Variants in ROBO2 observed in about 807,000 individuals in gnomAD.
ROBO2 encodes roundabout homolog 2.
ROBO2 carries 53 observed loss-of-function variants against 160.8 expected under a neutral mutation model. The observed-to-expected ratio is 0.33, with a 90% CI of 0.26 to 0.41. The LOEUF is 0.41. Among genes scored for constraint, ROBO2 ranks in the 10% least tolerant of loss-of-function variants. ROBO2 has a pLI of 1.00. For missense variants in ROBO2, 1,577 were observed against 1,722.4 expected (o/e 0.92, Z 1.49); for synonymous variants, 664 against 611.7 (o/e 1.09, Z -1.26).
Position 76,839,776 on chromosome 3 carries a change from G to A in ROBO2, c.110-258238G>A, listed in dbSNP as rs909920814. ...TTCTTTAAACATTTGGTAGAATTTA[G>A]CAGTGGAGCCAATGGGTCTTGTGCT... On this transcript the variant is annotated intron_variant, in intron 2 of 26. Coordinates refer to the ROBO2 transcript ENST00000487694. 3.9e-5 allele frequency among the ~76,000 whole-genome samples: 6 copies of A among 152,308 alleles called. No individual in the cohort carries two copies. In the East Asian group the frequency reaches 1.2e-3, roughly 29 times the overall value.
At chr3:76,143,957 CT>C (rs912763344) in intron 2 of ROBO2, among the ~76,000 whole-genome samples, 12 of 148,534 alleles carry the variant, frequency 8.1e-5, no homozygotes, top group South Asian at 2.1e-4. Flanking sequence ...CTTATTCTGC[CT>C]TTTTTTTTTC....
chr3:76,421,383 A>C lies in ROBO2; in HGVS notation c.109+483781A>C, dbSNP rs537566241. On this transcript the variant is annotated intron_variant, in intron 2 of 26. Transcript: ENST00000487694. ...GTTAATTATTTTTAAAATAAGATTCAAACATTTTTTCCAACAATAATATTT... is the reference window on the plus strand; with the variant it reads ...GTTAATTATTTTTAAAATAAGATTCCAACATTTTTTCCAACAATAATATTT... Among the ~76,000 whole-genome samples the C allele has an allele frequency of 4.8e-4, 73 of 152,322 alleles. 1 individual carries two copies. The highest frequency in any genetic ancestry group is 1.0e-3 in the South Asian group (5 of 4,830).
At chr3:77,536,241 G>A (rs2092091267) in intron 6 of ROBO2, among the ~76,000 whole-genome samples, 1 of 152,124 alleles carries the variant, frequency 6.6e-6, no homozygotes, top group Non-Finnish European at 1.5e-5. Flanking sequence ...GAAGCAGGTG[G>A]GGGGAATGTG....
intron 2 of ROBO2, among the ~76,000 whole-genome samples, chr3:77,352,529 A>G (rs1389348340): frequency 6.6e-6 from 1 of 152,088 alleles, no homozygotes; most frequent in Admixed American, 6.6e-5. Flanking sequence ...AGGCTACGAC[A>G]TGCTTTTCTT....
chr3:77,380,325 A>C (rs2073272586), intron 2 of ROBO2, among the ~76,000 whole-genome samples: 1 of 152,312 alleles, frequency 6.6e-6, no homozygotes, highest in African/African-American at 2.4e-5. Context: ...GAAGTATGAC[A>C]GTGTTGACGT....
At chr3:76,390,666 T>C (rs555111695) in intron 2 of ROBO2, among the ~76,000 whole-genome samples, 2 of 152,342 alleles carry the variant, frequency 1.3e-5, no homozygotes, top group Admixed American at 6.5e-5. Flanking sequence ...TCTTTCTCTT[T>C]GGCTTTCTAC....
intron 2 of ROBO2, among the ~76,000 whole-genome samples, chr3:76,479,410 C>A (rs1406494620): frequency 6.6e-6 from 1 of 152,164 alleles, no homozygotes; most frequent in Non-Finnish European, 1.5e-5. Context: ...ATATGAAAAT[C>A]TGCCTTTCCT....
intron 2 of ROBO2, among the ~76,000 whole-genome samples, chr3:76,999,462 C>T (rs766192442): frequency 6.6e-6 from 1 of 152,056 alleles, no homozygotes; most frequent in Non-Finnish European, 1.5e-5. Flanking sequence ...GTTTTTTGAA[C>T]CTATGTCTTT....
intron 2 of ROBO2, among the ~76,000 whole-genome samples, chr3:76,852,875 A>G (rs1226384072): frequency 6.6e-6 from 1 of 152,138 alleles, no homozygotes; most frequent in Non-Finnish European, 1.5e-5. Flanking sequence ...ATACTAAAAA[A>G]TCTATATCTG....
intron 18 of ROBO2, among the ~76,000 whole-genome samples, chr3:77,596,081 CCT>C (rs1361886389): frequency 5.9e-5 from 9 of 152,060 alleles, no homozygotes; most frequent in African/African-American, 2.2e-4. Flanking sequence ...TTAATATACC[CCT>C]GATATTTTGC....
intron 2 of ROBO2, among the ~76,000 whole-genome samples, chr3:77,239,803 CA>C (rs2088696785): frequency 6.6e-6 from 1 of 152,176 alleles, no homozygotes; most frequent in Non-Finnish European, 1.5e-5. Flanking sequence ...GGTGTGTTTA[CA>C]AACCTTGAGC....
At position 77,564,658 on chromosome 3, in the gene ROBO2, G is replaced by A. The variant is rs1281494436; in HGVS notation, c.1683-296G>A. 3.0e-5 allele frequency: 15 copies of A among 492,842 alleles called. No homozygotes were observed. In the East Asian group the frequency reaches 6.0e-4, roughly 20 times the overall value. The allele number at this position is 492,842 out of a possible 1,614,324, so 30.5% of individuals were successfully genotyped here. A position where few individuals can be genotyped will look rare whatever the true frequency, so the allele number is the denominator to read the frequency against. On this transcript the variant is annotated intron_variant, in intron 11 of 25. Coordinates refer to ENST00000461745, the Ensembl canonical transcript of ROBO2. ...ACTTGATGTTGTGATCTTGGCCTCT[G>A]TTCCTTTTACAGGTATTCATTTAGT...
At chr3:77,633,190 T>G (rs768641632) in intron 23 of ROBO2, 1 of 152,202 alleles carries the variant, frequency 6.6e-6, no homozygotes, top group African/African-American at 2.4e-5. Context: ...ATACAATAAT[T>G]TATTATTTGT....
At chr3:76,562,873 T>C (rs1701627370) in intron 2 of ROBO2, among the ~76,000 whole-genome samples, 1 of 152,192 alleles carries the variant, frequency 6.6e-6, no homozygotes. Context: ...ATTTGCTCTG[T>C]GAGCAGCTTT....
intron 20 of ROBO2, among the ~76,000 whole-genome samples, chr3:77,604,572 T>C (rs1218413990): frequency 6.6e-6 from 1 of 152,182 alleles, no homozygotes; most frequent in Non-Finnish European, 1.5e-5. Flanking sequence ...TATATATCTA[T>C]GAATTATATT....
intron 1 of ROBO2, among the ~76,000 whole-genome samples, chr3:75,907,310 A>G (rs182563326): frequency 2.6e-5 from 4 of 152,000 alleles, no homozygotes; most frequent in Admixed American, 2.0e-4. Flanking sequence ...CTCATGCCCA[A>G]TTTTCCAAGC....
At chr3:76,410,953 G>A (rs1377742987) in intron 2 of ROBO2, among the ~76,000 whole-genome samples, 1 of 152,050 alleles carries the variant, frequency 6.6e-6, no homozygotes, top group Non-Finnish European at 1.5e-5. Context: ...AACTCAGAGT[G>A]AGTGTAATAA....
chr3:76,762,086 G>A (rs1366054194), intron 2 of ROBO2, among the ~76,000 whole-genome samples: 1 of 151,454 alleles, frequency 6.6e-6, no homozygotes, highest in Non-Finnish European at 1.5e-5. Flanking sequence ...TCATAATGTG[G>A]AGGAGTCCTT....
chr3:77,407,256 A>G (rs183384846), intron 2 of ROBO2, among the ~76,000 whole-genome samples: 25 of 152,304 alleles, frequency 1.6e-4, no homozygotes, highest in Admixed American at 1.0e-3. Context: ...GTGGATTAAA[A>G]GAAAGTCATG....
Sources: allele counts gnomAD v4.1 joint callset (sites outside exome capture counted in the v4.1 genomes callset), GRCh38; gene constraint gnomAD v4.1.1; transcripts MANE v1.5; gene names NCBI Gene and HGNC (gene_info 2026-07-23, HGNC 2026-07-21).